The following CNTN4 variants were observed in gnomAD, a reference collection of about 807,000 sequenced individuals.
CNTN4 encodes contactin-4.
A neutral mutation model predicts 122.5 loss-of-function variants in CNTN4; 77 were observed. That is an observed-to-expected ratio of 0.63 (90% CI 0.52 to 0.76). CNTN4 has a LOEUF of 0.76. CNTN4 is among the 30% of genes least tolerant of loss of function. CNTN4 has a pLI of 0.00. For synonymous variants in CNTN4, 512 were observed against 447.0 expected (o/e 1.15, Z -1.83); for missense variants, 1,256 against 1,259.1 (o/e 1.00, Z 0.04).
At chr3:2,486,191 G>A (rs1421996308) in intron 3 of CNTN4, among the ~76,000 whole-genome samples, 2 of 152,184 alleles carry the variant, frequency 1.3e-5, no homozygotes, top group South Asian at 2.1e-4. Context: ...CCTGAAGCCC[G>A]CGAGATCAGG....
intron 2 of CNTN4, among the ~76,000 whole-genome samples, chr3:2,191,638 A>G (rs911108340): frequency 1.3e-5 from 2 of 151,876 alleles, no homozygotes; most frequent in African/African-American, 2.4e-5. Context: ...TCAGGCCCCA[A>G]CTGCCTACAA....
At chr3:2,899,656 T>C (rs961394429) in intron 10 of CNTN4, among the ~76,000 whole-genome samples, 2 of 152,158 alleles carry the variant, frequency 1.3e-5, no homozygotes, top group Non-Finnish European at 2.9e-5. Context: ...TTCAATGAAG[T>C]ACAGAAAATG....
chr3:3,048,832 T>C (rs1206665225), intron 23 of CNTN4, among the ~76,000 whole-genome samples: 1 of 152,204 alleles, frequency 6.6e-6, no homozygotes, highest in Non-Finnish European at 1.5e-5. Flanking sequence ...ATTCTTTAGA[T>C]CTCAGCTTAG....
intron 14 of CNTN4, among the ~76,000 whole-genome samples, chr3:3,004,497 A>G (rs1042626403): frequency 1.2e-4 from 19 of 152,358 alleles, no homozygotes; most frequent in African/African-American, 4.1e-4. Flanking sequence ...CAGATCCATT[A>G]CAGTCCATCT....
chr3:2,441,941 C>T (rs1466731853), intron 3 of CNTN4, among the ~76,000 whole-genome samples: 1 of 152,134 alleles, frequency 6.6e-6, no homozygotes, highest in African/African-American at 2.4e-5. Context: ...GATTAACCTT[C>T]ATTTGAAATT....
chr3:2,666,605 T>TATTTTC, intron 4 of CNTN4, among the ~76,000 whole-genome samples: 1 of 152,332 alleles, frequency 6.6e-6, no homozygotes, highest in African/African-American at 2.4e-5. Context: ...TTTTTATTTT[T>TATTTTC]TATTATACTT....
At chr3:2,855,677 G>A (rs1408755831) in intron 7 of CNTN4, among the ~76,000 whole-genome samples, 1 of 152,176 alleles carries the variant, frequency 6.6e-6, no homozygotes, top group Non-Finnish European at 1.5e-5. Flanking sequence ...TCACACGGGT[G>A]TCATCTGGTA....
intron 4 of CNTN4, among the ~76,000 whole-genome samples, chr3:2,640,303 C>CT (rs2082844682): frequency 6.6e-6 from 1 of 152,192 alleles, no homozygotes; most frequent in South Asian, 2.1e-4. Flanking sequence ...AAACTGTACT[C>CT]TAACACTGTA....
intron 3 of CNTN4, among the ~76,000 whole-genome samples, chr3:2,477,751 G>A (rs138067309): frequency 2.7e-3 from 410 of 152,236 alleles, no homozygotes; most frequent in African/African-American, 9.5e-3. Flanking sequence ...GTTTATTTTC[G>A]CTCTAATCCT....
At chr3:2,425,367 G>T (rs764666631) in intron 3 of CNTN4, among the ~76,000 whole-genome samples, 1 of 152,118 alleles carries the variant, frequency 6.6e-6, no homozygotes, top group Non-Finnish European at 1.5e-5. Flanking sequence ...GTTTGTCAAA[G>T]ATCAGATGGT....
chr3:3,033,710 G>A (rs1424015184), intron 16 of CNTN4, among the ~76,000 whole-genome samples: 1 of 152,148 alleles, frequency 6.6e-6, no homozygotes, highest in Non-Finnish European at 1.5e-5. Context: ...GCATTTAACT[G>A]CCTGGTAAGA....
At chr3:2,552,686 AGAG>A (rs1263415545) in intron 3 of CNTN4, among the ~76,000 whole-genome samples, 2 of 152,188 alleles carry the variant, frequency 1.3e-5, no homozygotes, top group East Asian at 3.8e-4. Context: ...GGTATCAAAG[AGAG>A]GAGACTTTAT....
chr3:2,912,011 G>C (rs1193758175), intron 12 of CNTN4, among the ~76,000 whole-genome samples: 1 of 152,052 alleles, frequency 6.6e-6, no homozygotes, highest in Non-Finnish European at 1.5e-5. Flanking sequence ...AAATGGCAGA[G>C]AGCCTATCTG....
rs1451326830 is a variant in CNTN4, at chr3:2,739,713, G to C, written c.182+3372G>C. The stretch of plus-strand genomic sequence containing the variant: ...AGAAAAACATATTTATTTAATACAA[G>C]TTTTACATGGCAAGGAAGCCTTCAT... On this transcript the variant is annotated intron_variant, in intron 5 of 24. Coordinates refer to ENST00000418658, the MANE Select transcript of CNTN4 (RefSeq NM_175607.3). 2.0e-5 allele frequency among the ~76,000 whole-genome samples: 3 copies of C among 152,158 alleles called. No homozygotes were observed. The East Asian group carries it at 5.8e-4, about 29-fold the overall frequency.
chr3:2,269,660 G>C (rs2041191016), intron 2 of CNTN4, among the ~76,000 whole-genome samples: 1 of 152,186 alleles, frequency 6.6e-6, no homozygotes, highest in South Asian at 2.1e-4. Context: ...TTCTTTGTCA[G>C]GGTTCTGAAA....
chr3:2,888,783 A>T (rs966336076), intron 10 of CNTN4, among the ~76,000 whole-genome samples: 1 of 152,046 alleles, frequency 6.6e-6, no homozygotes, highest in Non-Finnish European at 1.5e-5. Context: ...CATGAAACTC[A>T]GTTGCACATG....
chr3:2,399,162 C>A (rs1412771374), intron 3 of CNTN4, among the ~76,000 whole-genome samples: 1 of 152,036 alleles, frequency 6.6e-6, no homozygotes, highest in Non-Finnish European at 1.5e-5. Context: ...GCTTTCCCCA[C>A]CCAATATCTG....
At chr3:3,019,054 A>C (rs1360117480) in intron 14 of CNTN4, among the ~76,000 whole-genome samples, 1 of 152,182 alleles carries the variant, frequency 6.6e-6, no homozygotes, top group Non-Finnish European at 1.5e-5. Context: ...ATTTATCCTA[A>C]TGTAAGTAAG....
Position 3,044,181 on chromosome 3 carries a change from C to G in CNTN4, c.2811+477C>G, listed in dbSNP as rs116157333. 3.3e-3 allele frequency among the ~76,000 whole-genome samples: 506 copies of G among 152,158 alleles called. 3 individuals carry two copies. The highest frequency in any genetic ancestry group is 0.012 in the African/African-American group (490 of 41,520). On this transcript the variant is annotated intron_variant, in intron 23 of 24. Transcript: ENST00000418658. ...AAGTGGAGAAAATGTTTGCCTGACC[C>G]CATAAATGTTGGCTTGTCTTTAATG...
Sources: allele counts gnomAD v4.1 joint callset (sites outside exome capture counted in the v4.1 genomes callset), GRCh38; gene constraint gnomAD v4.1.1; transcripts MANE v1.5; gene names NCBI Gene and HGNC (gene_info 2026-07-23, HGNC 2026-07-21).